EFHB: variants seen among roughly 807,000 people sequenced by gnomAD.
The protein encoded by EFHB is EF-hand domain family member B.
In EFHB, 91 loss-of-function variants were observed where a neutral mutation model predicts 87.2. The observed-to-expected ratio is 1.04, with a 90% CI of 0.88 to 1.24. The LOEUF is 1.24. EFHB is among the 50% of genes most tolerant of loss of function. EFHB has a pLI of 0.00. For missense variants in EFHB, 1,084 were observed against 998.8 expected, an observed-to-expected ratio of 1.09 and a Z score of -1.15; for synonymous variants, 325 against 333.6, an observed-to-expected ratio of 0.97 and a Z score of 0.28.
chr3:19,887,351 C>T (rs921022799), intron 10 of EFHB, among the ~76,000 whole-genome samples: 8 of 145,134 alleles, frequency 5.5e-5, no homozygotes, highest in Admixed American at 3.5e-4. Context: ...CACCACTGCA[C>T]TCCAGCCTGG....
intron 1 of EFHB, among the ~76,000 whole-genome samples, chr3:19,926,326 GT>G (rs1297285695): frequency 1.7e-4 from 14 of 83,468 alleles, no homozygotes; most frequent in South Asian, 3.7e-4. Context: ...GGGTTTTTTG[GT>G]TTTTTTGGGG....
intron 1 of EFHB, among the ~76,000 whole-genome samples, chr3:19,930,432 A>G (rs1343898604): frequency 6.6e-6 from 1 of 152,122 alleles, no homozygotes; most frequent in Non-Finnish European, 1.5e-5. Flanking sequence ...TTCTAAGTGG[A>G]ATATTTACTC....
chr3:19,905,914 TCC>T (rs1015543183), intron 5 of EFHB, among the ~76,000 whole-genome samples, 165 bp from the exon 6 acceptor site: 3 of 152,134 alleles, frequency 2.0e-5, no homozygotes, highest in Non-Finnish European at 4.4e-5. Context: ...ACAGAAGCAT[TCC>T]CCCATGTGAG....
chr3:19,895,926 G>A (rs1694466261), intron 9 of EFHB, among the ~76,000 whole-genome samples: 1 of 152,124 alleles, frequency 6.6e-6, no homozygotes, highest in Admixed American at 6.5e-5. Context: ...TTCTGTGATG[G>A]CCTAAAATGA....
In EFHB at chr3:19,885,132, G is replaced by T. The variant is rs113355240; in HGVS notation, c.1934-517C>A. ...AGCTACTCAGGAGGCTGAGACAGGA[G>T]AATCACTTGAATCAGGGAGGCAATG... On this transcript the variant is annotated intron_variant, in intron 10 of 12. Transcript: ENST00000295824. Among the ~76,000 whole-genome samples the T allele has an allele frequency of 7.9e-3, 1,184 of 150,640 alleles. 11 individuals carry two copies. The highest frequency in any genetic ancestry group is 0.025 in the African/African-American group (1,019 of 40,940).
intron 1 of EFHB, chr3:19,940,559 C>A: frequency 2.0e-6 from 1 of 499,388 alleles, no homozygotes; most frequent in South Asian, 1.4e-5. Context: ...TCATAGGATT[C>A]AAGGGAATTC....
intron 5 of EFHB, among the ~76,000 whole-genome samples, chr3:19,908,554 AAGAGAGAAAGAGAG>A (rs1294055212): frequency 3.6e-4 from 22 of 60,660 alleles, no homozygotes; most frequent in African/African-American, 1.7e-3. Flanking sequence ...GAAAGAGAGA[AAGAGAGAAAGAGAG>A]AGAGAGAGAG....
At chr3:19,918,583 T>A (rs781778324) in intron 3 of EFHB, among the ~76,000 whole-genome samples, 171 bp from the exon 4 acceptor site, 10 of 152,100 alleles carry the variant, frequency 6.6e-5, no homozygotes, top group Non-Finnish European at 5.9e-5. Flanking sequence ...GGCTATGAAG[T>A]TTAAACACGC....
rs1695102947 is a variant in EFHB at position 19,912,686 on chromosome 3, G to T, written c.1288+2617C>A. 2.0e-5 allele frequency among the ~76,000 whole-genome samples: 3 copies of T among 152,056 alleles called. No homozygotes were observed. In the South Asian group the frequency reaches 6.2e-4, roughly 31 times the overall value. Reference sequence around the variant, plus strand: ...TTTCAAGACATAGAGATTATAATAAGATATAAATAGAAACAACAGGGTTAA... The same window carrying T: ...TTTCAAGACATAGAGATTATAATAATATATAAATAGAAACAACAGGGTTAA... On this transcript the variant is annotated intron_variant, in intron 5 of 12. Coordinates refer to ENST00000295824, the MANE Select transcript of EFHB (RefSeq NM_144715.4).
At chr3:19,907,959 G>A (rs9840739) in intron 5 of EFHB, among the ~76,000 whole-genome samples, 4,558 of 152,250 alleles carry the variant, frequency 0.03, 229 homozygotes, top group African/African-American at 0.1. Flanking sequence ...CTGGGTCTAA[G>A]GGCAAATTGG....
intron 6 of EFHB, among the ~76,000 whole-genome samples, chr3:19,901,835 A>G (rs1383202318): frequency 6.6e-6 from 1 of 152,024 alleles, no homozygotes; most frequent in Non-Finnish European, 1.5e-5. Context: ...CTGTAATCCC[A>G]GCTACTTGGG....
chr3:19,913,597 A>G (rs2125144913), intron 5 of EFHB, among the ~76,000 whole-genome samples: 1 of 152,360 alleles, frequency 6.6e-6, no homozygotes, highest in South Asian at 2.1e-4. Flanking sequence ...AAGAATCAAT[A>G]TTGTTAAAAT....
intron 9 of EFHB, among the ~76,000 whole-genome samples, chr3:19,894,304 G>T (rs1694401404): frequency 6.6e-6 from 1 of 152,138 alleles, no homozygotes; most frequent in Non-Finnish European, 1.5e-5. Flanking sequence ...TGGCTTGTAA[G>T]CTTGCTGCAA....
At chr3:19,922,109 G>A (rs1379396426) in intron 1 of EFHB, among the ~76,000 whole-genome samples, 65 of 152,088 alleles carry the variant, frequency 4.3e-4, no homozygotes, top group Admixed American at 4.2e-3. Context: ...AGGTTGCAGT[G>A]AGCCGAGGCC....
chr3:19,924,415 T>C (rs985707718), intron 1 of EFHB, among the ~76,000 whole-genome samples: 3 of 152,108 alleles, frequency 2.0e-5, no homozygotes, highest in African/African-American at 7.2e-5. Flanking sequence ...GGTTTCCCTA[T>C]GTCGGCCAGG....
chr3:19,898,845 G>A lies in EFHB; in HGVS notation c.1503C>T (p.Pro501=). ...FQHKLGRVLD[P]IAETMNVPPD... Reference sequence around the variant, plus strand: ...GGGGAACATTCATTGTTTCTGCAATGCTATCAAAGAAAACAAATCCTTAGT... The same window carrying A: ...GGGGAACATTCATTGTTTCTGCAATACTATCAAAGAAAACAAATCCTTAGT... The change falls in exon 8 of 13, where the codon CCC becomes CCT. Residue 501 remains proline, a splice_region_variant and synonymous_variant. Transcript: ENST00000295824. 6.2e-7 allele frequency: 1 copy of A among 1,613,390 alleles called. No homozygotes were observed.
chr3:19,917,682 A>T (rs1279997533), intron 4 of EFHB, among the ~76,000 whole-genome samples: 1 of 152,148 alleles, frequency 6.6e-6, no homozygotes, highest in Non-Finnish European at 1.5e-5. Flanking sequence ...GATCAACTCT[A>T]ATGAGTTATT....
chr3:19,884,325 G>A (rs1244402278), intron 11 of EFHB, 78 bp downstream of exon 11: 7 of 1,349,618 alleles, frequency 5.2e-6, no homozygotes, highest in Admixed American at 4.7e-5. Flanking sequence ...ATCTAACGGA[G>A]AAAGGCAGGG....
intron 5 of EFHB, among the ~76,000 whole-genome samples, chr3:19,908,775 T>C (rs1163204313): frequency 1.3e-5 from 2 of 152,164 alleles, no homozygotes; most frequent in African/African-American, 4.8e-5. Context: ...TAAGTTATTT[T>C]AAAGTATTAA....
Sources: gnomAD v4.1 joint callset for allele counts (sites outside exome capture counted in the v4.1 genomes callset) on GRCh38, gnomAD v4.1.1 for gene constraint, MANE v1.5 for transcripts, NCBI Gene and HGNC (gene_info 2026-07-23, HGNC 2026-07-21) for gene names.